Variants in NAPEPLD observed in about 807,000 individuals in gnomAD.
NAPEPLD encodes N-acyl phosphatidylethanolamine phospholipase D.
Under a neutral mutation model 38.1 loss-of-function variants are expected in NAPEPLD, and 23 were observed. The observed-to-expected ratio is 0.60, with a 90% CI of 0.43 to 0.86. NAPEPLD has a LOEUF of 0.86. Ranked by LOEUF, NAPEPLD falls within the 40% of genes least tolerant of loss-of-function variation. The pLI is 0.00. For synonymous variants in NAPEPLD, 147 were observed against 162.0 expected (o/e 0.91, Z 0.71); for missense variants, 411 against 476.8 (o/e 0.86, Z 1.28).
Position 103,106,577 on chromosome 7 carries a change from G to A in NAPEPLD, c.1057-3023C>T, listed in dbSNP as rs193174087. On this transcript the variant is annotated intron_variant, in intron 4 of 4. Transcript: ENST00000465647. ...GAGCTTGGTAGGGGGAGGGGCGTCC[G>A]CCACTGCTGAAGCTTGAGTAGGCAG... is the stretch of plus-strand genomic sequence containing the variant. 4.9e-3 allele frequency among the ~76,000 whole-genome samples: 753 copies of A among 152,184 alleles called. 7 individuals are homozygous for A. Among genetic ancestry groups the A allele is most frequent in the African/African-American group, 0.017 (720 of 41,550 alleles).
At chr7:103,125,212 T>C (rs1807512520) in intron 2 of NAPEPLD, among the ~76,000 whole-genome samples, 1 of 152,244 alleles carries the variant, frequency 6.6e-6, no homozygotes, top group South Asian at 2.1e-4. Context: ...ACATTTGTTA[T>C]ATGTGAACAC....
In NAPEPLD at chr7:103,128,500, C is replaced by G; in HGVS notation, c.277G>C (p.Val93Leu). Residue 93 changes from valine (V) to leucine (L), a missense_variant, in exon 2 of 5, where the codon GTT becomes CTT. Physicochemically the swap from Val to Leu is conservative, Grantham distance 32 (BLOSUM62 1). Coordinates refer to ENST00000465647, the MANE Select transcript of NAPEPLD (RefSeq NM_001122838.3). ...AGCGCTACCTCTTTAGAACTTGGAA[C>G]ACTGCTGTGATCTTTCTCCATTATC... Reference protein sequence around the residue: ...WLIMEKDHSSVPSSKEELDKE... With the variant: ...WLIMEKDHSSLPSSKEELDKE... 6.2e-7 allele frequency: 1 copy of G among 1,614,178 alleles called. No individual in the cohort carries two copies.
intron 1 of NAPEPLD, among the ~76,000 whole-genome samples, chr7:103,142,279 G>C (rs897415018): frequency 5.3e-5 from 8 of 151,788 alleles, no homozygotes; most frequent in African/African-American, 1.9e-4. Context: ...GCTATACAGT[G>C]GGATGGGAAG....
At chr7:103,109,362 C>G (rs1363488938) in intron 4 of NAPEPLD, among the ~76,000 whole-genome samples, 3 of 152,068 alleles carry the variant, frequency 2.0e-5, no homozygotes, top group Non-Finnish European at 4.4e-5. Flanking sequence ...TCAACAAATG[C>G]AAAAGAAAGG....
chr7:103,105,294 C>T (rs1308256352), intron 4 of NAPEPLD, among the ~76,000 whole-genome samples: 2 of 152,010 alleles, frequency 1.3e-5, no homozygotes, highest in East Asian at 1.9e-4. Context: ...CAGAAGACTC[C>T]GAGCATTCTG....
chr7:103,112,144 CACTGTTGGTGGGAG>C (rs1804651609), intron 4 of NAPEPLD, among the ~76,000 whole-genome samples: 1 of 152,158 alleles, frequency 6.6e-6, no homozygotes, highest in African/African-American at 2.4e-5. Context: ...AATGCTTTTA[CACTGTTGGTGGGAG>C]TGTAAATTAG....
chr7:103,109,118 A>T (rs1803991541), intron 4 of NAPEPLD, among the ~76,000 whole-genome samples: 1 of 152,216 alleles, frequency 6.6e-6, no homozygotes, highest in South Asian at 2.1e-4. Context: ...AAAGAGACTT[A>T]GACTCCCACA....
intron 1 of NAPEPLD, among the ~76,000 whole-genome samples, chr7:103,131,517 G>A (rs1178970580): frequency 6.6e-6 from 1 of 152,066 alleles, no homozygotes; most frequent in Admixed American, 6.6e-5. Flanking sequence ...AAAGTAGCCG[G>A]GCGTGGTGGA....
Position 103,128,806 on chromosome 7 carries a change from G to A in NAPEPLD, c.-16-14C>T. The stretch of plus-strand genomic sequence containing the variant: ...TTTGGTGAAGAACTAAAAAAAACAA[G>A]GGGGAAAAATACTGAGTTGAACATA... On this transcript the variant is annotated splice_polypyrimidine_tract_variant and intron_variant, in intron 1 of 4. Coordinates refer to ENST00000465647, the MANE Select transcript of NAPEPLD (RefSeq NM_001122838.3). 6.3e-7 allele frequency: 1 copy of A among 1,592,170 alleles called. No homozygotes were observed. The highest frequency in any genetic ancestry group is 8.5e-7 in the Non-Finnish European group (1 of 1,172,528).
chr7:103,141,253 T>C (rs894983882), intron 1 of NAPEPLD: 1 of 277,656 alleles, frequency 3.6e-6, no homozygotes, highest in African/African-American at 2.3e-5. Context: ...TTTTTTTTTT[T>C]TTTTTTTTTT....
intron 2 of NAPEPLD, among the ~76,000 whole-genome samples, chr7:103,121,909 G>A (rs569078732): frequency 1.3e-5 from 2 of 152,236 alleles, no homozygotes; most frequent in South Asian, 2.1e-4. Context: ...GTGAGTTCCT[G>A]AAGAATGATG....
Position 103,101,694 on chromosome 7 carries a change from G to C in NAPEPLD, c.*1735C>G, listed in dbSNP as rs1460842582. ...GCAAATGAGGAAACAGGCACAGTGA[G>C]CACTGGTGACTTGTTTCAGGTTACA... On this transcript the variant is annotated 3_prime_UTR_variant, in exon 5 of 5. Transcript: ENST00000465647. 3.9e-5 allele frequency: 6 copies of C among 152,610 alleles called. No homozygotes were observed. The highest frequency in any genetic ancestry group is 1.4e-4 in the African/African-American group (6 of 41,428). The allele number at this position is 152,610 out of a possible 1,614,324, so 9.5% of individuals were successfully genotyped here. A position where few individuals can be genotyped will look rare whatever the true frequency, so the allele number is the denominator to read the frequency against.
intron 1 of NAPEPLD, among the ~76,000 whole-genome samples, chr7:103,143,122 C>T (rs1394904920): frequency 1.3e-5 from 2 of 151,738 alleles, no homozygotes; most frequent in Non-Finnish European, 2.9e-5. Flanking sequence ...CCAGGTGTGG[C>T]GGGCTGAGAT....
chr7:103,148,713 T>G (rs1250786745), intron 1 of NAPEPLD, 98 bp downstream of exon 1: 4 of 707,076 alleles, frequency 5.7e-6, no homozygotes, highest in Non-Finnish European at 6.9e-6. Context: ...TGGAATGGAT[T>G]TTTAGAAGAT....
In NAPEPLD at chr7:103,148,978, G is replaced by A. The variant is rs569318090; in HGVS notation, c.-184C>T. The A allele has an allele frequency of 1.3e-3, 1,281 of 985,376 alleles. 1 individual carries two copies. The highest frequency in any genetic ancestry group is 1.5e-3 in the Non-Finnish European group (1,240 of 829,920). The allele number at this position is 985,376 out of a possible 1,614,324, so 61.0% of individuals were successfully genotyped here. On this transcript the variant is annotated 5_prime_UTR_variant, in exon 1 of 5. Transcript: ENST00000465647. ...ACTCGCGAGGTGCGAAAATTCAAAT[G>A]AAGCCCTGTCGCTCACAAGTGCGGC...
chr7:103,141,481 C>T (rs984304255), intron 1 of NAPEPLD: 127 of 1,326,280 alleles, frequency 9.6e-5, no homozygotes, highest in Middle Eastern at 3.6e-4. Flanking sequence ...CAGCCAGGAG[C>T]TTCTTGCGGG....
At chr7:103,140,210 C>G (rs974882027) in intron 1 of NAPEPLD, among the ~76,000 whole-genome samples, 2 of 151,992 alleles carry the variant, frequency 1.3e-5, no homozygotes, top group Non-Finnish European at 2.9e-5. Flanking sequence ...ATGCTATAAA[C>G]AGTAACAGTT....
intron 1 of NAPEPLD, among the ~76,000 whole-genome samples, chr7:103,143,487 G>A (rs561585122): frequency 6.6e-6 from 1 of 152,208 alleles, no homozygotes; most frequent in African/African-American, 2.4e-5. Flanking sequence ...TTCTAGCTAG[G>A]GATGGCCAGG....
Position 103,149,079 on chromosome 7 carries a change from C to G in NAPEPLD, c.-285G>C, listed in dbSNP as rs888895072. On this transcript the variant is annotated 5_prime_UTR_variant, in exon 1 of 5. Coordinates refer to ENST00000465647, the MANE Select transcript of NAPEPLD (RefSeq NM_001122838.3). The stretch of plus-strand genomic sequence containing the variant: ...CTCCACTTCGCCGAAGAATTCCAAA[C>G]CACCCCAGGCTCAGCAGTGTGGATT... The G allele has an allele frequency of 1.0e-6, 1 of 985,376 alleles. No homozygotes were observed. The allele number at this position is 985,376 out of a possible 1,614,324, so 61.0% of individuals were successfully genotyped here.
Sources: gnomAD v4.1 joint callset for allele counts (sites outside exome capture counted in the v4.1 genomes callset) on GRCh38, gnomAD v4.1.1 for gene constraint, MANE v1.5 for transcripts, NCBI Gene and HGNC (gene_info 2026-07-23, HGNC 2026-07-21) for gene names.